Variants in SPMIP5 observed in about 807,000 individuals in gnomAD.
The protein encoded by SPMIP5 is sperm microtubule inner protein 5.
chr10:116,665,206 C>T, the SPMIP5 span: 56 of 952,442 alleles, frequency 5.9e-5, 1 homozygote, highest in East Asian at 9.3e-4. Context: ...AGACCACCCT[C>T]GGCAACATGG....
At chr10:116,668,667 G>T in the SPMIP5 span, among the ~76,000 whole-genome samples, 1 of 152,000 alleles carries the variant, frequency 6.6e-6, no homozygotes, top group Non-Finnish European at 1.5e-5. Flanking sequence ...GGCTGGGAAT[G>T]CAAAGCTTCT....
At chr10:116,667,444 G>C in the SPMIP5 span, among the ~76,000 whole-genome samples, 1 of 152,238 alleles carries the variant, frequency 6.6e-6, no homozygotes, top group Non-Finnish European at 1.5e-5. Context: ...ACTTACCACA[G>C]AGAGGCAAGT....
chr10:116,666,395 AACTAT>A, the SPMIP5 span, among the ~76,000 whole-genome samples: 2 of 152,218 alleles, frequency 1.3e-5, no homozygotes, highest in Non-Finnish European at 2.9e-5. Context: ...GGTAAAACAC[AACTAT>A]TTACTTAAAC....
chr10:116,665,786 C>T, the SPMIP5 span: 3 of 1,613,922 alleles, frequency 1.9e-6, no homozygotes, highest in East Asian at 2.2e-5. Flanking sequence ...TCATGTCATC[C>T]TCCTTGGACA....
the SPMIP5 span, chr10:116,665,447 G>A: frequency 1.8e-6 from 1 of 545,648 alleles, no homozygotes; most frequent in East Asian, 3.0e-5. Context: ...AAAAAGAAAT[G>A]TGTCTTTCTC....
At chr10:116,664,799 C>G in the SPMIP5 span, 6 of 1,614,030 alleles carry the variant, frequency 3.7e-6, no homozygotes, top group Admixed American at 1.7e-5. Context: ...TGGCCCTCTC[C>G]GTGATCTCCA....
the SPMIP5 span, among the ~76,000 whole-genome samples, chr10:116,669,576 T>C: frequency 6.6e-6 from 1 of 152,210 alleles, no homozygotes; most frequent in African/African-American, 2.4e-5. Context: ...GAACACTGGC[T>C]ATCCCCATGT....
chr10:116,663,693 G>A, the SPMIP5 span: 1 of 539,314 alleles, frequency 1.9e-6, no homozygotes, highest in Non-Finnish European at 3.2e-6. Context: ...AGAAACTTTA[G>A]CATGCGGAGA....
the SPMIP5 span, chr10:116,665,225 C>T: frequency 3.7e-5 from 26 of 710,548 alleles, no homozygotes; most frequent in South Asian, 6.6e-5. Flanking sequence ...GGTGAAACCC[C>T]GTCTCTACTA....
At chr10:116,663,483 T>C in the SPMIP5 span, among the ~76,000 whole-genome samples, 1 of 152,086 alleles carries the variant, frequency 6.6e-6, no homozygotes, top group Non-Finnish European at 1.5e-5. Context: ...TGGACCCTCC[T>C]GGGGACTGGG....
chr10:116,666,738 C>A, the SPMIP5 span, among the ~76,000 whole-genome samples: 1 of 152,146 alleles, frequency 6.6e-6, no homozygotes, highest in African/African-American at 2.4e-5. Context: ...TAAAAGATAT[C>A]CTAACATTAT....
chr10:116,666,415 G>T, the SPMIP5 span, among the ~76,000 whole-genome samples: 1 of 151,592 alleles, frequency 6.6e-6, no homozygotes, highest in African/African-American at 2.4e-5. Flanking sequence ...TTAAACTGGA[G>T]GCTGAATCCT....
chr10:116,668,972 A>ACACACACACACAC, the SPMIP5 span, among the ~76,000 whole-genome samples: 4 of 58,944 alleles, frequency 6.8e-5, no homozygotes, highest in East Asian at 6.0e-4. Context: ...CACACACACA[A>ACACACACACACAC]ACAAGGGAGA....
chr10:116,669,637 T>C, the SPMIP5 span, among the ~76,000 whole-genome samples: 1 of 152,198 alleles, frequency 6.6e-6, no homozygotes, highest in Admixed American at 6.5e-5. Context: ...TCCCTAAGAA[T>C]GAGTTCCTGT....
chr10:116,669,213 G>C, the SPMIP5 span, among the ~76,000 whole-genome samples: 1 of 152,196 alleles, frequency 6.6e-6, no homozygotes, highest in African/African-American at 2.4e-5. Context: ...TCTCTTTAAA[G>C]AAATGCCTTT....
At chr10:116,669,461 C>T in the SPMIP5 span, among the ~76,000 whole-genome samples, 1 of 152,172 alleles carries the variant, frequency 6.6e-6, no homozygotes, top group East Asian at 1.9e-4. Context: ...TGACCACCTG[C>T]TTACTTTTCT....
At chr10:116,667,397 C>G in the SPMIP5 span, among the ~76,000 whole-genome samples, 1 of 152,198 alleles carries the variant, frequency 6.6e-6, no homozygotes, top group Non-Finnish European at 1.5e-5. Context: ...TTGCAGTGGT[C>G]CTAGAAAACA....
the SPMIP5 span, among the ~76,000 whole-genome samples, chr10:116,666,689 C>T: frequency 6.6e-6 from 1 of 152,064 alleles, no homozygotes; most frequent in East Asian, 1.9e-4. Context: ...TGTTGGAAGC[C>T]TTCCATGCAT....
chr10:116,668,933 G>GCACGCACACACACACA, the SPMIP5 span, among the ~76,000 whole-genome samples: 5 of 135,282 alleles, frequency 3.7e-5, no homozygotes, highest in East Asian at 2.3e-4. Flanking sequence ...GCACACACAT[G>GCACGCACACACACACA]CACACACACA....
Sources: allele counts gnomAD v4.1 joint callset (sites outside exome capture counted in the v4.1 genomes callset), GRCh38; gene constraint gnomAD v4.1.1; transcripts MANE v1.5; gene names NCBI Gene and HGNC (gene_info 2026-07-23, HGNC 2026-07-21).